Variants in GALNT18 observed in about 807,000 individuals in gnomAD.
GALNT18 encodes the protein GalNAc-transferase 18.
In GALNT18, 44 loss-of-function variants were observed where a neutral mutation model predicts 69.5. That is an observed-to-expected ratio of 0.63 (90% CI 0.50 to 0.81). The LOEUF is 0.81. Ranked by LOEUF, GALNT18 falls within the 40% of genes least tolerant of loss-of-function variation. GALNT18 has a pLI of 0.00. For synonymous variants in GALNT18, 364 were observed against 318.2 expected (o/e 1.14, Z -1.53); for missense variants, 715 against 810.0 (o/e 0.88, Z 1.42).
At chr11:11,486,555 C>G (rs56753467) in intron 1 of GALNT18, among the ~76,000 whole-genome samples, 2,220 of 152,312 alleles carry the variant, frequency 0.015, 30 homozygotes, top group African/African-American at 0.031. Flanking sequence ...TGGTTCCTCA[C>G]CTGGAAAGTG....
chr11:11,293,268 T>C, intron 9 of GALNT18, 75 bp from the exon 10 acceptor site: 1 of 1,227,662 alleles, frequency 8.1e-7, no homozygotes, highest in Non-Finnish European at 1.0e-6. Flanking sequence ...TGGTGATTCT[T>C]CCAGGCAGCT....
chr11:11,308,460 C>G (rs1209009591), intron 9 of GALNT18, among the ~76,000 whole-genome samples: 1 of 152,134 alleles, frequency 6.6e-6, no homozygotes, highest in African/African-American at 2.4e-5. Context: ...CCCTCCTAAG[C>G]CTTCTCTTGA....
In GALNT18 at chr11:11,352,118, C is replaced by T; in HGVS notation, c.1093-11114G>A. On this transcript the variant is annotated intron_variant, in intron 6 of 10. Transcript: ENST00000227756. ...TGCCCCCTGGCATGCTAGATGAACC[C>T]ATTCGAGCCTGGTCCTTCACAACAG... 3.7e-6 allele frequency: 6 copies of T among 1,613,568 alleles called. No homozygotes were observed. The South Asian group carries it at 6.6e-5, about 18-fold the overall frequency.
At chr11:11,374,222 T>C (rs568644524) in intron 5 of GALNT18, among the ~76,000 whole-genome samples, 2 of 152,292 alleles carry the variant, frequency 1.3e-5, no homozygotes, top group East Asian at 3.9e-4. Flanking sequence ...GTAGTCTCTC[T>C]GGGAAAAATC....
At position 11,322,413 on chromosome 11, in the gene GALNT18, A is replaced by G. The variant is rs532330062; in HGVS notation, c.1512+4673T>C. ...AGACAAAACATTCAACATTTGTCCAATGGTCCAGATAAGATCACAGGTGTC... is the reference window on the plus strand; with the variant it reads ...AGACAAAACATTCAACATTTGTCCAGTGGTCCAGATAAGATCACAGGTGTC... On this transcript the variant is annotated intron_variant, in intron 9 of 10. Coordinates refer to ENST00000227756, the MANE Select transcript of GALNT18 (RefSeq NM_198516.3). 4.1e-4 allele frequency among the ~76,000 whole-genome samples: 63 copies of G among 152,364 alleles called. 1 individual carries two copies. The highest frequency in any genetic ancestry group is 1.3e-3 in the African/African-American group (56 of 41,588).
intron 9 of GALNT18, among the ~76,000 whole-genome samples, chr11:11,319,896 CCAA>C (rs1849815006): frequency 6.6e-6 from 1 of 152,168 alleles, no homozygotes; most frequent in African/African-American, 2.4e-5. Context: ...GTAATAATAG[CCAA>C]CATTTAGTAA....
At chr11:11,607,640 C>A (rs1426685867) in intron 1 of GALNT18, among the ~76,000 whole-genome samples, 2 of 152,202 alleles carry the variant, frequency 1.3e-5, no homozygotes, top group African/African-American at 4.8e-5. Context: ...TCTTAAATCA[C>A]ACCTTCCTGC....
chr11:11,384,539 C>T (rs1057180125), intron 3 of GALNT18, among the ~76,000 whole-genome samples: 2 of 152,132 alleles, frequency 1.3e-5, no homozygotes, highest in African/African-American at 4.8e-5. Context: ...AAAGGCCACA[C>T]TTCTTAATGT....
intron 7 of GALNT18, among the ~76,000 whole-genome samples, chr11:11,334,744 G>A (rs1850080840): frequency 2.6e-5 from 4 of 152,136 alleles, no homozygotes; most frequent in Admixed American, 1.3e-4. Flanking sequence ...CCTGCCCAGA[G>A]CCTTCTCTGC....
chr11:11,362,675 A>G (rs2133082190), intron 6 of GALNT18, among the ~76,000 whole-genome samples: 1 of 152,264 alleles, frequency 6.6e-6, no homozygotes, highest in South Asian at 2.1e-4. Flanking sequence ...AAAATATTCC[A>G]CAACATACTT....
intron 1 of GALNT18, among the ~76,000 whole-genome samples, chr11:11,507,267 T>TA (rs1405337755): frequency 2.0e-5 from 3 of 152,228 alleles, no homozygotes; most frequent in Non-Finnish European, 4.4e-5. Context: ...ACTGAAGACT[T>TA]ACTTTATATC....
At chr11:11,381,610 G>T (rs1387772020) in intron 3 of GALNT18, among the ~76,000 whole-genome samples, 2 of 152,198 alleles carry the variant, frequency 1.3e-5, no homozygotes, top group African/African-American at 4.8e-5. Context: ...CACAGCAAGA[G>T]GGACCCTGCG....
At chr11:11,535,766 A>G (rs1857759129) in intron 1 of GALNT18, among the ~76,000 whole-genome samples, 2 of 152,184 alleles carry the variant, frequency 1.3e-5, no homozygotes, top group Non-Finnish European at 2.9e-5. Flanking sequence ...CAGCCTACCC[A>G]GTAAATGCAT....
At chr11:11,572,547 T>C (rs965696648) in intron 1 of GALNT18, among the ~76,000 whole-genome samples, 1 of 152,190 alleles carries the variant, frequency 6.6e-6, no homozygotes, top group Non-Finnish European at 1.5e-5. Context: ...TCCGCTACAG[T>C]CGCTCCTGGC....
At chr11:11,330,354 C>T (rs116632173) in intron 8 of GALNT18, among the ~76,000 whole-genome samples, 1 of 152,200 alleles carries the variant, frequency 6.6e-6, no homozygotes, top group Non-Finnish European at 1.5e-5. Context: ...AAGAATGATT[C>T]AGACCCAGCA....
Position 11,389,722 on chromosome 11 carries a change from G to A in GALNT18, c.596-10458C>T, listed in dbSNP as rs1854138900. 6.6e-6 allele frequency among the ~76,000 whole-genome samples: 1 copy of A among 152,114 alleles called. No homozygotes were observed. Among genetic ancestry groups the A allele is most frequent in the Non-Finnish European group, 1.5e-5 (1 of 68,016 alleles). The stretch of plus-strand genomic sequence containing the variant: ...GCGTACCAAGAACTCAAAGCCTTGG[G>A]AATTGCTGGCAGATAGTGTTTAATA... On this transcript the variant is annotated intron_variant, in intron 3 of 10. Transcript: ENST00000227756. The surrounding 1 kb of genome is among the most constrained non-coding windows in gnomAD (Gnocchi z 4.3).
Position 11,332,472 on chromosome 11 carries a change from A to G in GALNT18, c.1416+222T>C, listed in dbSNP as rs1452896406. Among the ~76,000 whole-genome samples the G allele has an allele frequency of 6.6e-6, 1 of 152,172 alleles. No individual in the cohort carries two copies. The highest frequency in any genetic ancestry group is 6.5e-5 in the Admixed American group (1 of 15,280). On this transcript the variant is annotated intron_variant, in intron 8 of 10. Transcript: ENST00000227756. The surrounding 1 kb of genome is among the most constrained non-coding windows in gnomAD (Gnocchi z 4.3). ...GTGTGGGGCCAGAGCTGAATTGCTTAGGACTATAAAGGAGAGACAAGTACC... is the reference window on the plus strand; with the variant it reads ...GTGTGGGGCCAGAGCTGAATTGCTTGGGACTATAAAGGAGAGACAAGTACC...
chr11:11,311,866 C>G (rs1039842627), intron 9 of GALNT18, among the ~76,000 whole-genome samples: 1 of 152,208 alleles, frequency 6.6e-6, no homozygotes, highest in Non-Finnish European at 1.5e-5. Flanking sequence ...TTCATGTTTG[C>G]CAGCCATGGT....
chr11:11,407,226 G>A (rs113725752), intron 3 of GALNT18, among the ~76,000 whole-genome samples: 5 of 152,200 alleles, frequency 3.3e-5, no homozygotes, highest in African/African-American at 9.7e-5. Context: ...TGGATGGCAG[G>A]GGCTGGTTTT....
Sources: gnomAD v4.1 joint callset for allele counts (sites outside exome capture counted in the v4.1 genomes callset) on GRCh38, gnomAD v4.1.1 for gene constraint, Gnocchi (gnomAD v3.1) non-coding constraint, MANE v1.5 for transcripts, NCBI Gene and HGNC (gene_info 2026-07-23, HGNC 2026-07-21) for gene names.